Variants in SPAG7 observed in about 807,000 individuals in gnomAD.
SPAG7 encodes the protein sperm-associated antigen 7.
SPAG7 carries 20 observed loss-of-function variants against 30.6 expected under a neutral mutation model. The ratio of observed to expected loss-of-function variants is 0.65; its 90% CI spans 0.46 to 0.95. The LOEUF (loss-of-function observed/expected upper bound fraction) is 0.95, where lower values mean the gene tolerates loss of function less well. Among genes scored for constraint, SPAG7 ranks in the 40% least tolerant of loss-of-function variants. SPAG7 has a pLI of 0.00. For synonymous variants in SPAG7, 127 were observed against 104.2 expected (o/e 1.22, Z -1.33); for missense variants, 276 against 291.1 (o/e 0.95, Z 0.38).
At chr17:4,966,365 C>G (rs959235008) in intron 1 of SPAG7, 1 of 155,324 alleles carries the variant, frequency 6.4e-6, no homozygotes, top group African/African-American at 2.4e-5. Flanking sequence ...AGGCTTCGAG[C>G]CCAGTCATAC....
At chr17:4,963,496 T>C (rs1286613917) in intron 1 of SPAG7, among the ~76,000 whole-genome samples, 1 of 144,306 alleles carries the variant, frequency 6.9e-6, no homozygotes, top group African/African-American at 2.6e-5. Flanking sequence ...TCTCGCTTTG[T>C]CGCCCAGGCT....
chr17:4,966,144 A>G (rs1415434877), intron 1 of SPAG7: 2 of 152,018 alleles, frequency 1.3e-5, no homozygotes, highest in African/African-American at 4.8e-5. Flanking sequence ...AGCCCGGCCA[A>G]TTTTTGTATT....
Position 4,959,511 on chromosome 17 carries a change from T to A in SPAG7, c.*23A>T, listed in dbSNP as rs1971821831. ...CCTGCCCCCTGCCCTGCCCCAGGGGTCAAAGGGAGCTGGGCGGGGCGCCTA... is the reference window on the plus strand; with the variant it reads ...CCTGCCCCCTGCCCTGCCCCAGGGGACAAAGGGAGCTGGGCGGGGCGCCTA... On this transcript the variant is annotated 3_prime_UTR_variant, in exon 7 of 7. Transcript: ENST00000206020. The A allele has an allele frequency of 4.4e-6, 7 of 1,594,388 alleles. No homozygotes were observed. Among genetic ancestry groups the A allele is most frequent in the Non-Finnish European group, 6.0e-6 (7 of 1,166,348 alleles).
At chr17:4,965,411 C>T (rs765286068) in intron 1 of SPAG7, among the ~76,000 whole-genome samples, 1 of 152,052 alleles carries the variant, frequency 6.6e-6, no homozygotes, top group Non-Finnish European at 1.5e-5. Flanking sequence ...CCTCCTCTTG[C>T]AAACATTGAG....
At position 4,959,935 on chromosome 17, in the gene SPAG7, G is replaced by T. The variant is rs577157595; in HGVS notation, c.418-19C>A. 5.9e-5 allele frequency: 95 copies of T among 1,612,660 alleles called. No individual in the cohort carries two copies. Among genetic ancestry groups the T allele is most frequent in the Admixed American group, 2.3e-4 (14 of 59,998 alleles). ...CCAGCTCCTAGGGGTGAAAGTGGGGGCACTGGTGCTCAGGGCCCCAGCCCA... is the reference window on the plus strand; with the variant it reads ...CCAGCTCCTAGGGGTGAAAGTGGGGTCACTGGTGCTCAGGGCCCCAGCCCA... On this transcript the variant is annotated intron_variant, in intron 5 of 6. Coordinates refer to ENST00000206020, the MANE Select transcript of SPAG7 (RefSeq NM_004890.3).
At chr17:4,960,575 T>A in intron 2 of SPAG7, 28 bp from the exon 3 acceptor site, 1 of 1,571,504 alleles carries the variant, frequency 6.4e-7, no homozygotes, top group Middle Eastern at 1.7e-4. Flanking sequence ...GAAGCAGATA[T>A]GAGACAATGG....
intron 3 of SPAG7, 36 bp downstream of exon 3, chr17:4,960,423 C>T: frequency 1.3e-6 from 2 of 1,598,430 alleles, no homozygotes; most frequent in Admixed American, 1.7e-5. Flanking sequence ...CCGCTAGCCA[C>T]CCATTTCCTT....
chr17:4,963,673 G>A (rs1971902102), intron 1 of SPAG7, among the ~76,000 whole-genome samples: 1 of 152,062 alleles, frequency 6.6e-6, no homozygotes, highest in East Asian at 1.9e-4. Flanking sequence ...TGGCCAGGCT[G>A]GTCTCGAACT....
At chr17:4,967,155 G>T in intron 1 of SPAG7, 1 of 986,432 alleles carries the variant, frequency 1.0e-6, no homozygotes, top group South Asian at 4.6e-5. Context: ...GGAATTTAAG[G>T]CTACGGATGG....
chr17:4,960,877 GA>G (rs1396605081), intron 1 of SPAG7, 24 bp from the exon 2 acceptor site: 1 of 1,610,846 alleles, frequency 6.2e-7, no homozygotes, highest in Admixed American at 1.7e-5. Flanking sequence ...ATGGCAACAT[GA>G]AGCCAGGGCT....
rs532395969 is a variant in SPAG7 at position 4,965,328 on chromosome 17, C to T, written c.85+2392G>A. ...CCTCCCAAAGTGCTGGGATTATAGG[C>T]ATGAGCCCTCTCCCCATTTTTCAAA... On this transcript the variant is annotated intron_variant, in intron 1 of 6. Transcript: ENST00000206020. Among the ~76,000 whole-genome samples, 3 of 152,280 alleles carry T rather than the reference C, an allele frequency of 2.0e-5. No individual in the cohort carries two copies. In the East Asian group the frequency reaches 5.8e-4, roughly 29 times the overall value.
chr17:4,962,189 C>T (rs767137036), intron 1 of SPAG7, among the ~76,000 whole-genome samples: 3 of 152,080 alleles, frequency 2.0e-5, no homozygotes, highest in Admixed American at 6.5e-5. Flanking sequence ...GCTCAGCTCA[C>T]TGCAAACTCC....
At chr17:4,967,623 G>C in intron 1 of SPAG7, 97 bp downstream of exon 1, 2 of 917,066 alleles carry the variant, frequency 2.2e-6, no homozygotes, top group Non-Finnish European at 3.6e-6. Context: ...CCTGTGAGGG[G>C]TCTTTCAAGG....
chr17:4,967,623 G>T, intron 1 of SPAG7, 97 bp downstream of exon 1: 1 of 917,064 alleles, frequency 1.1e-6, no homozygotes, highest in Non-Finnish European at 1.8e-6. Flanking sequence ...CCTGTGAGGG[G>T]TCTTTCAAGG....
At chr17:4,960,936 G>A (rs1971851792) in intron 1 of SPAG7, 83 bp from the exon 2 acceptor site, 1 of 1,216,324 alleles carries the variant, frequency 8.2e-7, no homozygotes. Flanking sequence ...GAAGTGTGGT[G>A]TCCACTGGGA....
intron 1 of SPAG7, chr17:4,966,899 C>A (rs764440672): frequency 6.1e-6 from 6 of 985,380 alleles, no homozygotes; most frequent in Admixed American, 6.1e-5. Context: ...AGGGCTCGTC[C>A]GTGGTCAAGG....
At chr17:4,965,152 A>C (rs971565788) in intron 1 of SPAG7, among the ~76,000 whole-genome samples, 7 of 152,066 alleles carry the variant, frequency 4.6e-5, no homozygotes, top group Non-Finnish European at 8.8e-5. Flanking sequence ...ACGTCAGGTG[A>C]TCCGCCCGCC....
chr17:4,965,160 G>A (rs574942338), intron 1 of SPAG7, among the ~76,000 whole-genome samples: 6 of 152,308 alleles, frequency 3.9e-5, no homozygotes, highest in East Asian at 3.9e-4. Context: ...TGATCCGCCC[G>A]CCTCAGCCTC....
At chr17:4,967,039 C>G in intron 1 of SPAG7, 1 of 985,754 alleles carries the variant, frequency 1.0e-6, no homozygotes, top group Non-Finnish European at 1.2e-6. Flanking sequence ...CTCCAGCCCA[C>G]CCGCAGGGAA....
Sources: allele counts gnomAD v4.1 joint callset (sites outside exome capture counted in the v4.1 genomes callset), GRCh38; gene constraint gnomAD v4.1.1; transcripts MANE v1.5; gene names NCBI Gene and HGNC (gene_info 2026-07-23, HGNC 2026-07-21).